The following FAM13B variants were observed in gnomAD, a reference collection of about 807,000 sequenced individuals.
FAM13B encodes protein FAM13B.
In FAM13B, 60 loss-of-function variants were observed where a neutral mutation model predicts 117.3. The observed-to-expected ratio is 0.51, with a 90% CI of 0.42 to 0.63. The LOEUF (loss-of-function observed/expected upper bound fraction) is 0.63. Among genes scored for constraint, FAM13B ranks in the 30% least tolerant of loss-of-function variants. The pLI is 0.00. For missense variants in FAM13B, 972 were observed against 1,091.9 expected, an observed-to-expected ratio of 0.89 and a Z score of 1.55; for synonymous variants, 332 against 356.1, an observed-to-expected ratio of 0.93 and a Z score of 0.76.
intron 1 of FAM13B, among the ~76,000 whole-genome samples, chr5:138,022,504 C>T (rs1787028981): frequency 6.6e-6 from 1 of 152,154 alleles, no homozygotes; most frequent in African/African-American, 2.4e-5. Context: ...ACATTAAAAA[C>T]TGAAGGGAAG....
upstream of FAM13B, chr5:138,033,204 G>T: frequency 6.2e-6 from 2 of 320,232 alleles, no homozygotes; most frequent in Non-Finnish European, 4.5e-6. Context: ...TGTCCTGCAA[G>T]CTTGAGGACC....
At chr5:138,013,482 C>T (rs1450162794) in intron 4 of FAM13B, among the ~76,000 whole-genome samples, 1 of 130,006 alleles carries the variant, frequency 7.7e-6, no homozygotes, top group Non-Finnish European at 1.6e-5. Context: ...GCCTGGGGGA[C>T]AGAGCAAGAC....
chr5:137,990,611 G>T (rs1778370828), intron 7 of FAM13B, among the ~76,000 whole-genome samples: 1 of 151,876 alleles, frequency 6.6e-6, no homozygotes, highest in Non-Finnish European at 1.5e-5. Context: ...ATTTCATAAA[G>T]AATTAAATAA....
chr5:138,005,249 A>G (rs532816161), intron 7 of FAM13B, among the ~76,000 whole-genome samples: 1 of 152,302 alleles, frequency 6.6e-6, no homozygotes, highest in South Asian at 2.1e-4. Context: ...AAAAATAGTA[A>G]TAAATTAATT....
intron 1 of FAM13B, among the ~76,000 whole-genome samples, chr5:138,026,365 C>T (rs942101158): frequency 7.2e-5 from 11 of 152,240 alleles, no homozygotes; most frequent in African/African-American, 2.6e-4. Flanking sequence ...ATGGTTCACA[C>T]CCGTAATCCC....
chr5:137,973,551 A>G lies in FAM13B; in HGVS notation c.1180-11082T>C, dbSNP rs560606791. On this transcript the variant is annotated intron_variant, in intron 10 of 23. Transcript: ENST00000689681. Reference sequence around the variant, plus strand: ...TACCATTCAGGACATAGGCATGGGCAAGGACTTCATGTCTAAAACACTAAA... The same window carrying G: ...TACCATTCAGGACATAGGCATGGGCGAGGACTTCATGTCTAAAACACTAAA... Among the ~76,000 whole-genome samples, 8 of 152,346 alleles carry G rather than the reference A, an allele frequency of 5.3e-5. No individual in the cohort carries two copies. In the East Asian group the frequency reaches 1.5e-3, roughly 29 times the overall value.
At chr5:138,019,975 G>A (rs1393833585) in intron 2 of FAM13B, 12 of 975,214 alleles carry the variant, frequency 1.2e-5, no homozygotes, top group East Asian at 1.1e-4. Flanking sequence ...CACCGCACCC[G>A]GCCTGTAATA....
chr5:137,946,031 T>A (rs372676831), intron 19 of FAM13B, 34 bp from the exon 20 acceptor site: 1 of 1,538,794 alleles, frequency 6.5e-7, no homozygotes, highest in Non-Finnish European at 8.9e-7. Flanking sequence ...TGTCTAGTCA[T>A]CACAAATCTA....
At chr5:137,972,689 A>T (rs1012538325) in intron 10 of FAM13B, among the ~76,000 whole-genome samples, 2 of 151,912 alleles carry the variant, frequency 1.3e-5, no homozygotes, top group Non-Finnish European at 2.9e-5. Flanking sequence ...TGCAGACGAC[A>T]TGATTGTATA....
intron 10 of FAM13B, among the ~76,000 whole-genome samples, chr5:137,977,676 G>A (rs1441902792): frequency 1.3e-5 from 2 of 152,110 alleles, no homozygotes; most frequent in Non-Finnish European, 2.9e-5. Context: ...ACCATGCCTG[G>A]CCTTCTCTTT....
intron 20 of FAM13B, among the ~76,000 whole-genome samples, chr5:137,944,505 T>C (rs1239145581): frequency 6.6e-6 from 1 of 152,090 alleles, no homozygotes; most frequent in Non-Finnish European, 1.5e-5. Context: ...CGGTGGCTCA[T>C]GCCTGTAATC....
intron 10 of FAM13B, among the ~76,000 whole-genome samples, chr5:137,970,287 G>C: frequency 6.6e-6 from 1 of 152,024 alleles, no homozygotes; most frequent in Admixed American, 6.6e-5. Context: ...CAAGGCAGAA[G>C]AGAGTGGGGG....
rs754032099 is a variant in FAM13B, at chr5:137,938,477, C to T, written c.*1748G>A. 6.1e-4 allele frequency: 93 copies of T among 152,702 alleles called. No individual in the cohort carries two copies. The highest frequency in any genetic ancestry group is 2.0e-3 in the Admixed American group (30 of 15,288). The allele number at this position is 152,702 out of a possible 1,614,324, so 9.5% of individuals were successfully genotyped here. The stretch of plus-strand genomic sequence containing the variant: ...AGGAAATTATCTGAAATGTACACTG[C>T]ATGATGGATTCAAATAAAAATGATA... On this transcript the variant is annotated 3_prime_UTR_variant, in exon 24 of 24. Coordinates refer to ENST00000689681, the MANE Select transcript of FAM13B (RefSeq NM_001385994.1).
intron 7 of FAM13B, among the ~76,000 whole-genome samples, chr5:137,997,700 C>T (rs4835748): frequency 0.42 from 64,311 of 151,780 alleles, 14,479 homozygotes; most frequent in East Asian, 0.6. Flanking sequence ...TAGCTAATGA[C>T]AACTGCAGAA....
intron 4 of FAM13B, among the ~76,000 whole-genome samples, chr5:138,013,597 A>G (rs1238613778): frequency 1.3e-5 from 2 of 152,182 alleles, no homozygotes; most frequent in Admixed American, 6.5e-5. Flanking sequence ...ACTCTTCTAT[A>G]CTTTGTAATA....
intron 1 of FAM13B, among the ~76,000 whole-genome samples, chr5:138,042,639 GA>G (rs34217311): frequency 0.98 from 141,490 of 145,102 alleles, 69,026 homozygotes; most frequent in South Asian, 1. Flanking sequence ...AAACTTAAAA[GA>G]AAAAAAAAAA....
chr5:138,019,721 C>T (rs1786177124), intron 2 of FAM13B, among the ~76,000 whole-genome samples: 1 of 152,040 alleles, frequency 6.6e-6, no homozygotes, highest in African/African-American at 2.4e-5. Context: ...GCTCTGTTGC[C>T]CAGGCTGCAG....
At chr5:138,001,327 T>C (rs1355540319) in intron 7 of FAM13B, among the ~76,000 whole-genome samples, 1 of 152,168 alleles carries the variant, frequency 6.6e-6, no homozygotes, top group African/African-American at 2.4e-5. Flanking sequence ...TCAAATTCAT[T>C]AAGAGCTCCC....
chr5:137,954,267 A>G lies in FAM13B; in HGVS notation c.1617T>C (p.Pro539=). The G allele has an allele frequency of 6.2e-7, 1 of 1,614,052 alleles. No individual in the cohort carries two copies. The highest frequency in any genetic ancestry group is 8.5e-7 in the Non-Finnish European group (1 of 1,179,998). Residue 539 remains proline (P), a synonymous_variant, in exon 15 of 24, where the codon CCT becomes CCC. Transcript: ENST00000689681. ...MNHHPLEEDC[P]PVLSHRSLDF... ...CTAAACTGCGGTGTGATAATACTGG[A>G]GGACAGTCCTCTTCCAAGGGGTGAT... is the stretch of plus-strand genomic sequence containing the variant.
Sources: allele counts gnomAD v4.1 joint callset (sites outside exome capture counted in the v4.1 genomes callset), GRCh38; gene constraint gnomAD v4.1.1; transcripts MANE v1.5; gene names NCBI Gene and HGNC (gene_info 2026-07-23, HGNC 2026-07-21).